The following STPG4 variants were observed in gnomAD, a reference collection of about 807,000 sequenced individuals.
STPG4 encodes the protein sperm-tail PG-rich repeat containing 4, also known as protein STPG4.
A neutral mutation model predicts 31.5 loss-of-function variants in STPG4; 41 were observed. That is an observed-to-expected ratio of 1.30 (90% confidence interval 1.01 to 1.69). The LOEUF (loss-of-function observed/expected upper bound fraction) is 1.69. STPG4 is among the 40% of genes most tolerant of loss of function. The pLI is 0.00. For missense variants in STPG4, 375 were observed against 293.4 expected, an observed-to-expected ratio of 1.28 and a Z score of -2.03; for synonymous variants, 141 against 103.0, an observed-to-expected ratio of 1.37 and a Z score of -2.24.
chr2:47,124,142 C>T (rs1000823117), intron 5 of STPG4, among the ~76,000 whole-genome samples: 3 of 152,088 alleles, frequency 2.0e-5, no homozygotes, highest in Non-Finnish European at 4.4e-5. Context: ...GCCACCACAG[C>T]TGGCTGATTT....
At chr2:47,152,859 T>C in intron 2 of STPG4, 98 bp downstream of exon 2, 1 of 850,178 alleles carries the variant, frequency 1.2e-6, no homozygotes, top group South Asian at 2.5e-5. Context: ...CAATCACTGT[T>C]TTCTTACAAT....
At chr2:47,107,738 G>A (rs924530821) in intron 5 of STPG4, among the ~76,000 whole-genome samples, 7 of 152,198 alleles carry the variant, frequency 4.6e-5, no homozygotes, top group African/African-American at 1.7e-4. Context: ...AGCCAGCTGG[G>A]CTCCTGAGTC....
chr2:47,130,218 G>A lies in STPG4; in HGVS notation c.442C>T (p.Pro148Ser). 6.2e-7 allele frequency: 1 copy of A among 1,614,046 alleles called. No homozygotes were observed. The highest frequency in any genetic ancestry group is 1.6e-4 in the Middle Eastern group (1 of 6,062). ...SPGQYNVLPA[P>S]VPKYASRSCV... ...TACCTGGAAGCATATTTGGGAACTG[G>A]TGCAGGAAGCACGTTGTATTGCCCC... The change falls in exon 4 of 7, where the codon CCA (proline) becomes TCA (serine). Residue 148 changes from proline (P) to serine (S), a missense_variant. Pro to Ser is a moderately conservative substitution (Grantham distance 74). Transcript: ENST00000445927.
At chr2:47,136,206 C>T (rs190418767) in intron 3 of STPG4, among the ~76,000 whole-genome samples, 69 of 151,966 alleles carry the variant, frequency 4.5e-4, no homozygotes, top group Admixed American at 1.2e-3. Context: ...AGGGAAATGG[C>T]GCAATCTCAG....
At chr2:47,123,090 T>A (rs954686833) in intron 5 of STPG4, among the ~76,000 whole-genome samples, 3 of 152,180 alleles carry the variant, frequency 2.0e-5, no homozygotes, top group Non-Finnish European at 4.4e-5. Flanking sequence ...CCTTCCAAAG[T>A]GCTGGGATTA....
chr2:47,096,013 A>C (rs2347604), intron 5 of STPG4, among the ~76,000 whole-genome samples: 124,075 of 151,672 alleles, frequency 0.82, 50,988 homozygotes, highest in Admixed American at 0.88. Context: ...AGTTACCACA[A>C]AAGCCCTAAA....
intron 6 of STPG4, among the ~76,000 whole-genome samples, chr2:47,087,947 G>T (rs1444687087): frequency 3.3e-5 from 5 of 151,804 alleles, no homozygotes; most frequent in African/African-American, 7.3e-5. Flanking sequence ...TAGAGATGGG[G>T]TTTCACCATG....
chr2:47,112,648 C>T (rs1032025507), intron 5 of STPG4, among the ~76,000 whole-genome samples: 6 of 152,176 alleles, frequency 3.9e-5, no homozygotes, highest in African/African-American at 1.4e-4. Flanking sequence ...TGCACCAGAT[C>T]TACAGCTCAG....
At chr2:47,113,547 T>G (rs1273360866) in intron 5 of STPG4, among the ~76,000 whole-genome samples, 1 of 152,184 alleles carries the variant, frequency 6.6e-6, no homozygotes, top group Non-Finnish European at 1.5e-5. Context: ...ACAGTCATAT[T>G]AAAACAAATC....
At chr2:47,129,910 A>G in intron 5 of STPG4, 31 bp downstream of exon 5, 5 of 1,602,818 alleles carry the variant, frequency 3.1e-6, no homozygotes, top group Non-Finnish European at 4.2e-6. Context: ...CATCAAATTC[A>G]TCATGAGTTA....
intron 3 of STPG4, among the ~76,000 whole-genome samples, chr2:47,149,651 C>G (rs1323520852): frequency 2.0e-5 from 3 of 152,194 alleles, no homozygotes; most frequent in African/African-American, 7.2e-5. Flanking sequence ...GTAATTACAA[C>G]CCCTTGTACT....
intron 3 of STPG4, among the ~76,000 whole-genome samples, chr2:47,148,597 T>G (rs1016636883): frequency 6.6e-5 from 10 of 152,148 alleles, no homozygotes; most frequent in Non-Finnish European, 1.5e-5. Context: ...TTGTTACATA[T>G]GTATACATGT....
rs527949853 is a variant in STPG4 at position 47,139,157 on chromosome 2, G to C, written c.400-8897C>G. On this transcript the variant is annotated intron_variant, in intron 3 of 6. Transcript: ENST00000445927. ...TCAACTATGTACTGACTGATTTTCT[G>C]CCTGCTGTATTTGTCCATTTCTGAT... is the stretch of plus-strand genomic sequence containing the variant. Among the ~76,000 whole-genome samples the C allele has an allele frequency of 2.1e-4, 32 of 152,278 alleles. 1 individual carries two copies. Among genetic ancestry groups the C allele is most frequent in the African/African-American group, 7.7e-4 (32 of 41,550 alleles).
At chr2:47,109,153 C>T (rs1685985258) in intron 5 of STPG4, among the ~76,000 whole-genome samples, 1 of 152,250 alleles carries the variant, frequency 6.6e-6, no homozygotes, top group Non-Finnish European at 1.5e-5. Context: ...AAATTCTTCA[C>T]GCTCACAGCT....
In STPG4 at chr2:47,151,294, T is replaced by C; in HGVS notation, c.363A>G (p.Pro121=). The C allele has an allele frequency of 6.2e-7, 1 of 1,614,140 alleles. No individual in the cohort carries two copies. ...CAACTAGTGTGCTGGGGCTTGGCCG[T>C]GGTTTGTCTTTGAATGAGTAAGTAG... ...QVATYSFKDK[P]RPSPSTLVDK... is the part of the protein sequence containing the mutation. The change falls in exon 3 of 7, where the codon CCA becomes CCG. Residue 121 remains proline (P), a synonymous_variant. Transcript: ENST00000445927.
At chr2:47,094,502 G>A (rs1239996509) in intron 5 of STPG4, among the ~76,000 whole-genome samples, 1 of 152,194 alleles carries the variant, frequency 6.6e-6, no homozygotes, top group East Asian at 1.9e-4. Flanking sequence ...TAACCAACGG[G>A]AGCTGTAAGG....
chr2:47,139,936 C>T (rs906293936), intron 3 of STPG4, among the ~76,000 whole-genome samples: 16 of 152,056 alleles, frequency 1.1e-4, no homozygotes, highest in African/African-American at 2.4e-4. Context: ...CCATCACACC[C>T]GGCTAATTTT....
chr2:47,150,646 G>A lies in STPG4; in HGVS notation c.399+612C>T, dbSNP rs575731775. Reference sequence around the variant, plus strand: ...TCCTCCTGCCCTGGCTTCCCAAGTAGCTATTTTTTTTTTTTTTTTAAAGAG... The same window carrying A: ...TCCTCCTGCCCTGGCTTCCCAAGTAACTATTTTTTTTTTTTTTTTAAAGAG... On this transcript the variant is annotated intron_variant, in intron 3 of 6. Transcript: ENST00000445927. Among the ~76,000 whole-genome samples, 30 of 106,680 alleles carry A rather than the reference G, an allele frequency of 2.8e-4. 1 individual carries two copies. Among genetic ancestry groups the A allele is most frequent in the African/African-American group, 8.8e-4 (29 of 32,964 alleles). 70.0% of individuals were successfully genotyped at this position (106,680 alleles called of 152,430 possible).
Position 47,151,355 on chromosome 2 carries a change from G to A in STPG4, c.302C>T (p.Pro101Leu). The change falls in exon 3 of 7, where the codon CCT becomes CTT. Residue 101 changes from proline (P) to leucine (L), a missense_variant. Pro to Leu is a moderately conservative substitution (Grantham distance 98). Transcript: ENST00000445927. ...PVLNDLPQYMPPDFLDLLKKQ... is the reference protein window; with the variant it reads ...PVLNDLPQYMLPDFLDLLKKQ... ...CTTTAACAGGTCCAGGAAGTCAGGA[G>A]GCATATACTGCGGAAGATCATTTAG... The A allele has an allele frequency of 6.2e-7, 1 of 1,614,160 alleles. No individual in the cohort carries two copies. Among genetic ancestry groups the A allele is most frequent in the Non-Finnish European group, 8.5e-7 (1 of 1,180,030 alleles).
Sources: allele counts gnomAD v4.1 joint callset (sites outside exome capture counted in the v4.1 genomes callset), GRCh38; gene constraint gnomAD v4.1.1; transcripts MANE v1.5; gene names NCBI Gene and HGNC (gene_info 2026-07-23, HGNC 2026-07-21).